Variants in TDRD6 observed in about 807,000 individuals in gnomAD.
TDRD6 encodes the protein tudor domain containing 6, also known as tudor domain-containing protein 6.
In TDRD6, 186 loss-of-function variants were observed where a neutral mutation model predicts 157.5. The ratio of observed to expected loss-of-function variants is 1.18; its 90% CI spans 1.05 to 1.33. TDRD6 has a LOEUF of 1.33. Among genes scored for constraint, TDRD6 ranks in the 40% most tolerant of loss-of-function variants. TDRD6 has a pLI of 0.00. For missense variants in TDRD6, 3,066 were observed against 2,508.0 expected (o/e 1.22, Z -4.75); for synonymous variants, 1,075 against 945.2 (o/e 1.14, Z -2.52).
chr6:46,691,117 G>A lies in TDRD6; in HGVS notation c.2989G>A (p.Asp997Asn). The A allele has an allele frequency of 6.2e-7, 1 of 1,613,908 alleles. No homozygotes were observed. Among genetic ancestry groups the A allele is most frequent in the Non-Finnish European group, 8.5e-7 (1 of 1,179,926 alleles). ...ATTAGTTTATATAACGCATATTGAT[G>A]ACCCTTGGACATTTTATTGCCAGCT... Reference protein sequence around the residue: ...EELVYITHIDDPWTFYCQLAR... With the variant: ...EELVYITHIDNPWTFYCQLAR... Residue 997 changes from aspartate (D) to asparagine (N), a missense_variant, in exon 1 of 4, where the codon GAC (aspartate) becomes AAC (asparagine). By Grantham distance (23) the Asp-to-Asn change is conservative (BLOSUM62 1). Transcript: ENST00000316081.
upstream of TDRD6, chr6:46,687,884 C>T (rs540075518): frequency 2.0e-6 from 1 of 507,592 alleles, no homozygotes; most frequent in Non-Finnish European, 3.3e-6. Context: ...GAGGTAAATG[C>T]GTGCCCGGAA....
Position 46,690,185 on chromosome 6 carries a change from A to G in TDRD6, c.2057A>G (p.His686Arg), listed in dbSNP as rs777321489. The change falls in exon 1 of 4, where the codon CAT becomes CGT. Residue 686 changes from histidine to arginine, a missense_variant. Physicochemically the swap from His to Arg is conservative, Grantham distance 29 (BLOSUM62 0). Transcript: ENST00000316081. ...CTGGTAAATGCCCACTCCCCAGGGC[A>G]TGTTTCAAACCACTTTACTACGGAG... ...NILVNAHSPG[H>R]VSNHFTTESN... 31 of 1,613,878 alleles carry G rather than the reference A, an allele frequency of 1.9e-5. No homozygotes were observed. The South Asian group carries it at 2.7e-4, about 14-fold the overall frequency.
At position 46,691,008 on chromosome 6, in the gene TDRD6, A is replaced by G. The variant is rs1764298458; in HGVS notation, c.2880A>G (p.Val960=). 6.2e-7 allele frequency: 1 copy of G among 1,613,814 alleles called. No individual in the cohort carries two copies. Among genetic ancestry groups the G allele is most frequent in the Admixed American group, 1.7e-5 (1 of 59,950 alleles). ...TAGAAAAGAGACTTGCAAGACCAGTAAAACTTCAGAAGCCTTTGGAGTCCT... is the reference window on the plus strand; with the variant it reads ...TAGAAAAGAGACTTGCAAGACCAGTGAAACTTCAGAAGCCTTTGGAGTCCT... ...FLVEKRLARP[V]KLQKPLESSV... The change falls in exon 1 of 4, where the codon GTA becomes GTG. Residue 960 remains valine, a synonymous_variant. Coordinates refer to ENST00000316081, the MANE Select transcript of TDRD6 (RefSeq NM_001010870.3).
rs142004985 is a variant in TDRD6 at position 46,690,555 on chromosome 6, C to T, written c.2427C>T (p.Cys809=). Reference sequence around the variant, plus strand: ...TAATGTCTGATATTCAGTACTATTGCAAAAATACAGCTGCTCCTCACCAGA... The same window carrying T: ...TAATGTCTGATATTCAGTACTATTGTAAAAATACAGCTGCTCCTCACCAGA... ...KTLMSDIQYY[C]KNTAAPHQRN... Residue 809 remains cysteine, a synonymous_variant, in exon 1 of 4, where the codon TGC becomes TGT. Coordinates refer to ENST00000316081, the MANE Select transcript of TDRD6 (RefSeq NM_001010870.3). 1.9e-4 allele frequency: 311 copies of T among 1,614,128 alleles called. 1 individual carries two copies. The African/African-American group carries it at 2.9e-3, about 15-fold the overall frequency.
chr6:46,683,648 AT>A (rs1051354317), upstream of TDRD6, among the ~76,000 whole-genome samples: 1 of 152,080 alleles, frequency 6.6e-6, no homozygotes, highest in East Asian at 1.9e-4. Context: ...CTAATTTAAG[AT>A]TTTTAATCTT....
chr6:46,680,840 CCCA>C, the TDRD6 span, among the ~76,000 whole-genome samples: 6 of 152,236 alleles, frequency 3.9e-5, no homozygotes, highest in East Asian at 3.9e-4. Flanking sequence ...TACCTTTCTT[CCCA>C]CCACCACCAC....
At chr6:46,698,185 T>C in intron 3 of TDRD6, 98 bp downstream of exon 3, 2 of 811,332 alleles carry the variant, frequency 2.5e-6, no homozygotes, top group South Asian at 4.9e-5. Flanking sequence ...TTTGGAAAAA[T>C]GGGAGAAAAA....
Position 46,690,126 on chromosome 6 carries a change from C to G in TDRD6, c.1998C>G (p.Ala666=), listed in dbSNP as rs1764264831. 6.2e-7 allele frequency: 1 copy of G among 1,613,440 alleles called. No homozygotes were observed. The highest frequency in any genetic ancestry group is 8.5e-7 in the Non-Finnish European group (1 of 1,179,804). Residue 666 remains alanine (A), a synonymous_variant, in exon 1 of 4, where the codon GCC becomes GCG. Coordinates refer to ENST00000316081, the MANE Select transcript of TDRD6 (RefSeq NM_001010870.3). The stretch of plus-strand genomic sequence containing the variant: ...AGGTAATTGCCCAAGCTGGATATGC[C>G]AAGTATCAGGAATTTGAAACAAAGG... ...ISKVIAQAGY[A]KYQEFETKEN...
In TDRD6 at chr6:46,694,127, GC is replaced by G; in HGVS notation, c.6000del (p.Ser2000ArgfsTer25). The part of the protein sequence containing the change: ...ALMPLFSEEE[S>X]SDGSKHNNGL... Reference sequence around the variant, plus strand: ...ATGCCTTTGTTCTCTGAGGAAGAAAGCAGTGATGGAAGCAAGCACAATAATG... The same window carrying G: ...ATGCCTTTGTTCTCTGAGGAAGAAAGAGTGATGGAAGCAAGCACAATAATG... On this transcript the variant is annotated frameshift_variant, in exon 1 of 4. Coordinates refer to ENST00000316081, the MANE Select transcript of TDRD6 (RefSeq NM_001010870.3). LOFTEE classifies it high-confidence loss of function. 1 of 1,596,822 alleles carries G rather than the reference GC, an allele frequency of 6.3e-7. No homozygotes were observed. Among genetic ancestry groups the G allele is most frequent in the South Asian group, 1.1e-5 (1 of 87,482 alleles).
At position 46,688,345 on chromosome 6, in the gene TDRD6, T is replaced by C. The variant is rs187914929; in HGVS notation, c.217T>C (p.Cys73Arg). 2,175 of 1,530,296 alleles carry C rather than the reference T, an allele frequency of 1.4e-3. 5 individuals carry two copies. The highest frequency in any genetic ancestry group is 1.7e-3 in the Non-Finnish European group (1,989 of 1,143,064). 94.8% of individuals were successfully genotyped at this position (1,530,296 alleles called of 1,614,324 possible). A position where few individuals can be genotyped will look rare whatever the true frequency, so the allele number is the denominator to read the frequency against. Residue 73 changes from cysteine (C) to arginine (R), a missense_variant, in exon 1 of 4, where the codon TGC becomes CGC. Cys to Arg is a radical substitution (Grantham distance 180). Transcript: ENST00000316081. ...CGCCTCGGCCTCGCCCGGCGAGCTG[T>C]GCCTGGTGCAGGTCGGGCTTTTGTG... is the stretch of plus-strand genomic sequence containing the variant. ...GSASASPGEL[C>R]LVQVGLLWHR... is the part of the protein sequence containing the mutation.
chr6:46,698,476 T>C lies in TDRD6; in HGVS notation c.6261+389T>C, dbSNP rs185056746. ...ATAATTTTTCTGTTTATATGTAATA[T>C]AAGTATTTCATCTACATATTTTAGA... On this transcript the variant is annotated intron_variant, in intron 3 of 3. Coordinates refer to ENST00000316081, the MANE Select transcript of TDRD6 (RefSeq NM_001010870.3). 8.8e-4 allele frequency among the ~76,000 whole-genome samples: 134 copies of C among 152,354 alleles called. 7 individuals carry two copies. The East Asian group carries it at 0.019, about 22-fold the overall frequency.
At chr6:46,686,651 C>A (rs1295331313), upstream of TDRD6, among the ~76,000 whole-genome samples, 1 of 152,060 alleles carries the variant, frequency 6.6e-6, no homozygotes, top group East Asian at 1.9e-4. Context: ...AGGATGAGTT[C>A]TTCAGGAAAA....
chr6:46,689,821 G>C lies in TDRD6; in HGVS notation c.1693G>C (p.Val565Leu). 6.2e-7 allele frequency: 1 copy of C among 1,614,224 alleles called. No homozygotes were observed. Among genetic ancestry groups the C allele is most frequent in the Non-Finnish European group, 8.5e-7 (1 of 1,180,044 alleles). ...AIVTKLDDKS[V>L]DVFLVDRGNS... The stretch of plus-strand genomic sequence containing the variant: ...AGTCACCAAATTGGATGACAAGAGT[G>C]TGGATGTATTCTTAGTTGACCGAGG... Residue 565 changes from valine to leucine, a missense_variant, in exon 1 of 4, where the codon GTG becomes CTG. Transcript: ENST00000316081.
Position 46,690,626 on chromosome 6 carries a change from G to GTAATAA in TDRD6, c.2498_2499insTAATAA (p.Trp833delinsCysAsnLys). Reference sequence around the variant, plus strand: ...GCTAAGCGAACAGTAAACAGACAGTGGTCCAGAGCACTTATTAGTGGGATA... The same window carrying GTAATAA: ...GCTAAGCGAACAGTAAACAGACAGTGTAATAAGTCCAGAGCACTTATTAGTGGGATA... On this transcript the variant is annotated protein_altering_variant, in exon 1 of 4. Coordinates refer to ENST00000316081, the MANE Select transcript of TDRD6 (RefSeq NM_001010870.3). The GTAATAA allele has an allele frequency of 6.2e-7, 1 of 1,614,168 alleles. No individual in the cohort carries two copies. Among genetic ancestry groups the GTAATAA allele is most frequent in the Non-Finnish European group, 8.5e-7 (1 of 1,180,024 alleles).
Position 46,693,730 on chromosome 6 carries a change from G to A in TDRD6, c.5602G>A (p.Glu1868Lys). 3 of 1,614,166 alleles carry A rather than the reference G, an allele frequency of 1.9e-6. No individual in the cohort carries two copies. Among genetic ancestry groups the A allele is most frequent in the South Asian group, 1.1e-5 (1 of 91,084 alleles). ...TCTGGTGGTGGATGAAGAAAAAGGG[G>A]AGCTAAGCCCGGTGCCACCGAATGT... The part of the protein sequence containing the change: ...NSLVVDEEKG[E>K]LSPVPPNVPL... The change falls in exon 1 of 4, where the codon GAG (glutamate) becomes AAG (lysine). Residue 1868 changes from glutamate to lysine, a missense_variant. By Grantham distance (56) the Glu-to-Lys change is moderately conservative. Coordinates refer to ENST00000316081, the MANE Select transcript of TDRD6 (RefSeq NM_001010870.3).
In TDRD6 at chr6:46,693,235, A is replaced by G. The variant is rs778076754; in HGVS notation, c.5107A>G (p.Ile1703Val). The change falls in exon 1 of 4, where the codon ATT becomes GTT. Residue 1703 changes from isoleucine (I) to valine (V), a missense_variant. Transcript: ENST00000316081. Reference sequence around the variant, plus strand: ...AATGGAGAAATATTCTAAGACTGGTATTAAAAGTGCTCTTCCCTATGAAAA... The same window carrying G: ...AATGGAGAAATATTCTAAGACTGGTGTTAAAAGTGCTCTTCCCTATGAAAA... The part of the protein sequence containing the change: ...EKMEKYSKTG[I>V]KSALPYENID... 7.4e-6 allele frequency: 12 copies of G among 1,613,522 alleles called. No individual in the cohort carries two copies. In the East Asian group the frequency reaches 2.7e-4, roughly 36 times the overall value.
Position 46,691,445 on chromosome 6 carries a change from A to C in TDRD6, c.3317A>C (p.His1106Pro), listed in dbSNP as rs1764314219. ...TGTTCATTATCTGATATTCCTGATC[A>C]TATACCAGAAGAAGTGGTGGTGTGG... is the stretch of plus-strand genomic sequence containing the variant. The part of the protein sequence containing the change: ...VRCSLSDIPD[H>P]IPEEVVVWFQ... Residue 1106 changes from histidine (H) to proline (P), a missense_variant, in exon 1 of 4, where the codon CAT (histidine) becomes CCT (proline). Coordinates refer to ENST00000316081, the MANE Select transcript of TDRD6 (RefSeq NM_001010870.3). 9 of 1,614,108 alleles carry C rather than the reference A, an allele frequency of 5.6e-6. No individual in the cohort carries two copies. Among genetic ancestry groups the C allele is most frequent in the Middle Eastern group, 3.3e-4 (2 of 6,060 alleles).
Position 46,689,312 on chromosome 6 carries a change from A to G in TDRD6, c.1184A>G (p.Asp395Gly). 1.2e-6 allele frequency: 2 copies of G among 1,614,130 alleles called. No homozygotes were observed. The highest frequency in any genetic ancestry group is 2.2e-5 in the South Asian group (2 of 91,068). The change falls in exon 1 of 4, where the codon GAC becomes GGC. Residue 395 changes from aspartate to glycine, a missense_variant. Asp to Gly is a moderately conservative substitution (Grantham distance 94). Transcript: ENST00000316081. ...GGCTGGTCTCGGTCACAGGTCGGTGACCTGAAGACACTGATACTAGGCAAG... is the reference window on the plus strand; with the variant it reads ...GGCTGGTCTCGGTCACAGGTCGGTGGCCTGAAGACACTGATACTAGGCAAG... The part of the protein sequence containing the change: ...GRGWSRSQVG[D>G]LKTLILGKAV...
upstream of TDRD6, among the ~76,000 whole-genome samples, chr6:46,686,377 G>A (rs1429497090): frequency 6.6e-6 from 1 of 151,698 alleles, no homozygotes; most frequent in East Asian, 1.9e-4. Context: ...CACTGGCTAG[G>A]CATCGAGAAC....
Sources: allele counts gnomAD v4.1 joint callset (sites outside exome capture counted in the v4.1 genomes callset), GRCh38; gene constraint gnomAD v4.1.1; transcripts MANE v1.5; gene names NCBI Gene and HGNC (gene_info 2026-07-23, HGNC 2026-07-21).